MEIS2: variants seen among roughly 807,000 people sequenced by gnomAD.
The protein encoded by MEIS2 is homeobox protein Meis2.
MEIS2 carries 9 observed loss-of-function variants against 58.6 expected under a neutral mutation model. The ratio of observed to expected loss-of-function variants is 0.15; its 90% CI spans 0.09 to 0.27. The LOEUF (loss-of-function observed/expected upper bound fraction) is 0.27. Among genes scored for constraint, MEIS2 ranks in the 10% least tolerant of loss-of-function variants. MEIS2 has a pLI of 1.00. For synonymous variants in MEIS2, 221 were observed against 228.4 expected (o/e 0.97, Z 0.29); for missense variants, 427 against 635.0 (o/e 0.67, Z 3.52).
At chr15:36,976,251 AT>A (rs760349884) in intron 8 of MEIS2, among the ~76,000 whole-genome samples, 5 of 151,710 alleles carry the variant, frequency 3.3e-5, no homozygotes, top group Non-Finnish European at 5.9e-5. Flanking sequence ...TGCCCAGCTA[AT>A]TTTTTGTATT....
In MEIS2 at chr15:36,932,313, G is replaced by A. The variant is rs747792473; in HGVS notation, c.977+18011C>T. 7.2e-5 allele frequency among the ~76,000 whole-genome samples: 11 copies of A among 152,278 alleles called. No individual in the cohort carries two copies. The East Asian group carries it at 1.9e-3, about 27-fold the overall frequency. On this transcript the variant is annotated intron_variant, in intron 9 of 11. Coordinates refer to ENST00000561208, the MANE Select transcript of MEIS2 (RefSeq NM_170675.5). ...TTGTCTGTGCATATGATGCGCCCTG[G>A]AATTGTGCAGTGTACAGAGTGCTCA...
chr15:37,056,366 T>C (rs1888399091), intron 7 of MEIS2, among the ~76,000 whole-genome samples: 1 of 152,196 alleles, frequency 6.6e-6, no homozygotes, highest in Admixed American at 6.5e-5. Context: ...ATTTCATGTT[T>C]ATTCAGGCAT....
intron 7 of MEIS2, among the ~76,000 whole-genome samples, chr15:37,077,992 T>C (rs1176695631): frequency 6.6e-6 from 1 of 152,138 alleles, no homozygotes; most frequent in Non-Finnish European, 1.5e-5. Context: ...TTAAAAACTA[T>C]GTGCATTAAC....
At chr15:37,039,964 T>C (rs1004465876) in intron 7 of MEIS2, among the ~76,000 whole-genome samples, 3 of 152,104 alleles carry the variant, frequency 2.0e-5, no homozygotes, top group Non-Finnish European at 4.4e-5. Context: ...ACGAAAATTT[T>C]TGAAAGACAA....
At chr15:36,950,253 A>G in intron 9 of MEIS2, 71 bp downstream of exon 9, 2 of 1,262,104 alleles carry the variant, frequency 1.6e-6, no homozygotes, top group Non-Finnish European at 1.1e-6. Flanking sequence ...AAAAAAAAAA[A>G]GAGAGAAAAC....
intron 8 of MEIS2, among the ~76,000 whole-genome samples, chr15:37,013,203 A>C (rs576659214): frequency 9.2e-5 from 14 of 152,300 alleles, no homozygotes; most frequent in African/African-American, 3.1e-4. Context: ...TGTGAGAATA[A>C]GGCCTGAAGA....
intron 9 of MEIS2, among the ~76,000 whole-genome samples, chr15:36,934,319 A>G (rs1448212463): frequency 3.9e-5 from 6 of 152,028 alleles, no homozygotes; most frequent in Non-Finnish European, 5.9e-5. Context: ...CTTTTCATAG[A>G]GTCAGGCTGA....
intron 7 of MEIS2, among the ~76,000 whole-genome samples, chr15:37,079,196 T>C (rs1479894093): frequency 6.6e-6 from 1 of 152,126 alleles, no homozygotes; most frequent in Non-Finnish European, 1.5e-5. Context: ...ATGGCAATGT[T>C]CAATTATCAA....
intron 9 of MEIS2, among the ~76,000 whole-genome samples, chr15:36,948,544 T>C (rs559149981): frequency 6.6e-6 from 1 of 152,020 alleles, no homozygotes; most frequent in African/African-American, 2.4e-5. Context: ...TCTCAGAAAT[T>C]CCCATCACAA....
intron 7 of MEIS2, chr15:37,050,936 T>C (rs2062891503): frequency 6.6e-6 from 1 of 152,240 alleles, no homozygotes; most frequent in Non-Finnish European, 1.5e-5. Context: ...CAGCCCCAGA[T>C]CTATTCCTTA....
intron 8 of MEIS2, among the ~76,000 whole-genome samples, chr15:36,980,376 G>T (rs1329280260): frequency 1.3e-5 from 2 of 152,136 alleles, no homozygotes; most frequent in Non-Finnish European, 2.9e-5. Flanking sequence ...AAAGAAAGAG[G>T]TTTAATTGGA....
chr15:36,920,663 T>G (rs1043874964), intron 9 of MEIS2, among the ~76,000 whole-genome samples: 3 of 152,244 alleles, frequency 2.0e-5, no homozygotes, highest in Non-Finnish European at 4.4e-5. Flanking sequence ...TAACAATCTC[T>G]TATTTCTCAT....
At chr15:36,975,050 A>G (rs1378518073) in intron 8 of MEIS2, among the ~76,000 whole-genome samples, 1 of 152,172 alleles carries the variant, frequency 6.6e-6, no homozygotes, top group African/African-American at 2.4e-5. Flanking sequence ...CCTCATTTTA[A>G]ACACCTACCA....
At chr15:37,076,722 T>C (rs1472273347) in intron 7 of MEIS2, among the ~76,000 whole-genome samples, 1 of 152,122 alleles carries the variant, frequency 6.6e-6, no homozygotes, top group Non-Finnish European at 1.5e-5. Context: ...ATAGACTATT[T>C]CCACAATATT....
intron 8 of MEIS2, among the ~76,000 whole-genome samples, chr15:36,995,983 A>ATGTGTG (rs1567159876): frequency 1.2e-5 from 1 of 81,886 alleles, no homozygotes; most frequent in African/African-American, 6.3e-5. Flanking sequence ...ATATATATAT[A>ATGTGTG]TATATATATA....
Position 36,892,039 on chromosome 15 carries a change from G to C in MEIS2, c.*134C>G. 4.2e-6 allele frequency: 4 copies of C among 955,354 alleles called. No homozygotes were observed. The highest frequency in any genetic ancestry group is 6.5e-6 in the Non-Finnish European group (4 of 619,656). The allele number at this position is 955,354 out of a possible 1,614,324, so 59.2% of individuals were successfully genotyped here. ...TTGTTGCATTGGTCCTCTGTTGCTTGATGAAAAATGACAAAAGTAAAAAAT... is the reference window on the plus strand; with the variant it reads ...TTGTTGCATTGGTCCTCTGTTGCTTCATGAAAAATGACAAAAGTAAAAAAT... On this transcript the variant is annotated 3_prime_UTR_variant, in exon 12 of 12. Transcript: ENST00000561208.
chr15:37,039,882 C>T (rs369825706), intron 7 of MEIS2, among the ~76,000 whole-genome samples: 132 of 152,272 alleles, frequency 8.7e-4, no homozygotes, highest in African/African-American at 2.7e-3. Flanking sequence ...CCAAACACAA[C>T]AATAAATACA....
intron 9 of MEIS2, among the ~76,000 whole-genome samples, chr15:36,934,975 C>CTTT (rs2058108484): frequency 4.6e-5 from 7 of 152,094 alleles, no homozygotes; most frequent in Non-Finnish European, 8.8e-5. Context: ...TTGGCAGAGA[C>CTTT]ATAAAGCTAC....
intron 1 of MEIS2, chr15:37,098,425 A>AAAAT: frequency 1.7e-6 from 2 of 1,176,882 alleles, no homozygotes; most frequent in Non-Finnish European, 2.1e-6. Flanking sequence ...AGAGAGAGAG[A>AAAAT]AAATAAAAAT....
Sources: gnomAD v4.1 joint callset for allele counts (sites outside exome capture counted in the v4.1 genomes callset) on GRCh38, gnomAD v4.1.1 for gene constraint, MANE v1.5 for transcripts, NCBI Gene and HGNC (gene_info 2026-07-23, HGNC 2026-07-21) for gene names.